GLIS3: variants seen among roughly 807,000 people sequenced by gnomAD.
The protein encoded by GLIS3 is zinc finger protein GLIS3.
In GLIS3, 53 loss-of-function variants were observed where a neutral mutation model predicts 78.6. The observed-to-expected ratio is 0.67, with a 90% CI of 0.54 to 0.85. The LOEUF is 0.85. Ranked by LOEUF, GLIS3 falls within the 40% of genes least tolerant of loss-of-function variation. The pLI is 0.00. For missense variants in GLIS3, 1,703 were observed against 1,231.1 expected (o/e 1.38, Z -5.74); for synonymous variants, 684 against 509.9 (o/e 1.34, Z -4.60).
chr9:4,362,507 C>G, the GLIS3 span, among the ~76,000 whole-genome samples: 5 of 152,182 alleles, frequency 3.3e-5, no homozygotes, highest in Admixed American at 3.3e-4. Context: ...TATTAAAATC[C>G]TATAGCAACG....
rs141790371 is a variant in GLIS3, at chr9:4,279,324, T to TACACACAC, written c.388+6706_388+6713dup. Among the ~76,000 whole-genome samples the TACACACAC allele has an allele frequency of 5.3e-3, 451 of 84,804 alleles. 4 individuals are homozygous for TACACACAC. The highest frequency in any genetic ancestry group is 9.4e-3 in the African/African-American group (199 of 21,072). The allele number at this position is 84,804 out of a possible 152,430, so 55.6% of individuals were successfully genotyped here. ...AAAAAAAAAAAAAAAAATATATATA[T>TACACACAC]ACACACACACACACACACACACACA... On this transcript the variant is annotated intron_variant, in intron 2 of 10. Transcript: ENST00000381971.
chr9:4,245,022 T>C (rs1193652051), intron 2 of GLIS3, among the ~76,000 whole-genome samples: 1 of 152,222 alleles, frequency 6.6e-6, no homozygotes, highest in Non-Finnish European at 1.5e-5. Context: ...AAGAAGATCC[T>C]TAATCAAATA....
At position 3,963,655 on chromosome 9, in the gene GLIS3, G is replaced by C. The variant is rs1261405679; in HGVS notation, c.1711-26466C>G. On this transcript the variant is annotated intron_variant, in intron 4 of 10. Transcript: ENST00000381971. The stretch of plus-strand genomic sequence containing the variant: ...TCCTCTTTGACTCTCAAAGCAGGGA[G>C]GTCATTTAAAAGTTAACTTCTGCTT... Among the ~76,000 whole-genome samples the C allele has an allele frequency of 4.6e-5, 7 of 152,092 alleles. No homozygotes were observed. The South Asian group carries it at 1.0e-3, about 23-fold the overall frequency.
chr9:4,240,558 A>C (rs10124017), intron 2 of GLIS3, among the ~76,000 whole-genome samples: 1,778 of 152,332 alleles, frequency 0.012, 32 homozygotes, highest in African/African-American at 0.041. Flanking sequence ...TTACAAGGGA[A>C]GATTACAAGG....
chr9:3,893,588 C>T (rs1822605347), intron 7 of GLIS3, among the ~76,000 whole-genome samples: 1 of 152,180 alleles, frequency 6.6e-6, no homozygotes, highest in African/African-American at 2.4e-5. Flanking sequence ...CAGTGCAATT[C>T]TAATTCTAAC....
At chr9:4,470,153 A>C in the GLIS3 span, among the ~76,000 whole-genome samples, 2 of 152,342 alleles carry the variant, frequency 1.3e-5, no homozygotes, top group South Asian at 4.1e-4. Flanking sequence ...AGACGGATTC[A>C]CAGCCGAATT....
At chr9:4,405,529 G>A in the GLIS3 span, among the ~76,000 whole-genome samples, 1 of 151,992 alleles carries the variant, frequency 6.6e-6, no homozygotes, top group Non-Finnish European at 1.5e-5. Context: ...GAATCAGGAA[G>A]AAATCCAAAA....
intron 4 of GLIS3, among the ~76,000 whole-genome samples, chr9:4,086,313 A>C (rs1829017067): frequency 6.6e-6 from 1 of 152,154 alleles, no homozygotes; most frequent in Non-Finnish European, 1.5e-5. Flanking sequence ...ACCCTGGGGC[A>C]ATGAGTCATT....
intron 1 of GLIS3, among the ~76,000 whole-genome samples, chr9:4,294,818 T>A (rs1329035332): frequency 6.6e-6 from 1 of 152,238 alleles, no homozygotes; most frequent in Non-Finnish European, 1.5e-5. Context: ...TTATGCTACA[T>A]CTATATATTC....
At chr9:4,366,133 G>A in the GLIS3 span, among the ~76,000 whole-genome samples, 1 of 152,158 alleles carries the variant, frequency 6.6e-6, no homozygotes, top group Non-Finnish European at 1.5e-5. Context: ...TAGGACAGAG[G>A]ATATAAAGGG....
At chr9:4,000,524 G>T (rs1821055904) in intron 4 of GLIS3, among the ~76,000 whole-genome samples, 1 of 151,976 alleles carries the variant, frequency 6.6e-6, no homozygotes, top group African/African-American at 2.4e-5. Context: ...ATTCACTCTG[G>T]TAGGTAAAAT....
intron 9 of GLIS3, among the ~76,000 whole-genome samples, chr9:3,851,749 C>CA (rs1440599709): frequency 1.6e-4 from 25 of 152,312 alleles, no homozygotes; most frequent in African/African-American, 6.0e-4. Context: ...TGTAATGCAA[C>CA]AGCATCTACA....
chr9:4,043,674 C>T lies in GLIS3; in HGVS notation c.1710+74094G>A, dbSNP rs76310821. Among the ~76,000 whole-genome samples the T allele has an allele frequency of 5.2e-4, 79 of 152,304 alleles. 1 individual carries two copies. Among genetic ancestry groups the T allele is most frequent in the African/African-American group, 1.9e-3 (78 of 41,558 alleles). ...AAACCTTCTTCTCTACAAGTCCCAA[C>T]AGCCATGGACATGTGAATAAGCCTG... On this transcript the variant is annotated intron_variant, in intron 4 of 10. Coordinates refer to ENST00000381971, the MANE Select transcript of GLIS3 (RefSeq NM_001042413.2).
intron 2 of GLIS3, among the ~76,000 whole-genome samples, chr9:4,207,013 G>A (rs1236991784): frequency 6.6e-6 from 1 of 152,166 alleles, no homozygotes; most frequent in African/African-American, 2.4e-5. Flanking sequence ...GGGGATGGAA[G>A]CCAACAAAGA....
At chr9:4,487,832 C>T in the GLIS3 span, among the ~76,000 whole-genome samples, 1 of 151,922 alleles carries the variant, frequency 6.6e-6, no homozygotes, top group Non-Finnish European at 1.5e-5. Context: ...AGACTACAGG[C>T]ATGTGCCATC....
chr9:4,347,464 C>T (rs1371524164), intron 1 of GLIS3, among the ~76,000 whole-genome samples: 1 of 152,158 alleles, frequency 6.6e-6, no homozygotes, highest in Non-Finnish European at 1.5e-5. Flanking sequence ...CAGGGCTACT[C>T]TCAGTGGTAT....
chr9:4,227,303 T>C (rs1435642032), intron 2 of GLIS3, among the ~76,000 whole-genome samples: 1 of 42,958 alleles, frequency 2.3e-5, no homozygotes, highest in East Asian at 4.0e-4. Context: ...CACGTTATGT[T>C]ACCAAAAAAA....
intron 6 of GLIS3, among the ~76,000 whole-genome samples, chr9:3,929,088 T>C (rs184291793): frequency 5.6e-4 from 86 of 152,348 alleles, no homozygotes; most frequent in African/African-American, 1.9e-3. Context: ...GAAGGACAGA[T>C]TCTGCCCTTT....
At chr9:4,009,418 G>T (rs1417928830) in intron 4 of GLIS3, among the ~76,000 whole-genome samples, 1 of 152,190 alleles carries the variant, frequency 6.6e-6, no homozygotes, top group Admixed American at 6.5e-5. Flanking sequence ...TCAAGAAGAT[G>T]GGCGGCATCC....
Sources: allele counts gnomAD v4.1 joint callset (sites outside exome capture counted in the v4.1 genomes callset), GRCh38; gene constraint gnomAD v4.1.1; transcripts MANE v1.5; gene names NCBI Gene and HGNC (gene_info 2026-07-23, HGNC 2026-07-21).